The following EYS variants were observed in gnomAD, a reference collection of about 807,000 sequenced individuals.
EYS encodes protein eyes shut homolog.
In EYS, 250 loss-of-function variants were observed where a neutral mutation model predicts 282.1. The observed-to-expected ratio is 0.89, with a 90% CI of 0.80 to 0.98. The LOEUF is 0.98. EYS is among the 50% of genes least tolerant of loss of function. The probability of loss-of-function intolerance (pLI) is 0.00; values close to 1 mark genes in which losing one functional copy is unlikely to be tolerated. For missense variants in EYS, 4,016 were observed against 3,709.0 expected (o/e 1.08, Z -2.15); for synonymous variants, 1,355 against 1,282.9 (o/e 1.06, Z -1.20).
intron 29 of EYS, among the ~76,000 whole-genome samples, chr6:64,385,322 C>G (rs1772873830): frequency 6.6e-6 from 1 of 152,152 alleles, no homozygotes; most frequent in African/African-American, 2.4e-5. Context: ...TTCTAGCACA[C>G]ACACATACAC....
At chr6:64,024,791 A>G (rs1582153897) in intron 33 of EYS, among the ~76,000 whole-genome samples, 1 of 152,194 alleles carries the variant, frequency 6.6e-6, no homozygotes, top group Admixed American at 6.5e-5. Flanking sequence ...CGAGATCACG[A>G]ACCCACCAGA....
chr6:65,581,339 A>G (rs1014459195), intron 2 of EYS, among the ~76,000 whole-genome samples: 5 of 152,172 alleles, frequency 3.3e-5, no homozygotes, highest in Admixed American at 1.3e-4. Context: ...CTTATTGTAC[A>G]GCAAACGTTT....
chr6:65,575,887 T>C (rs1032130261), intron 2 of EYS, among the ~76,000 whole-genome samples: 3 of 151,992 alleles, frequency 2.0e-5, no homozygotes, highest in African/African-American at 4.8e-5. Flanking sequence ...CAACACTATT[T>C]TGTGAGGAAA....
chr6:64,384,122 A>AT (rs1772835297), intron 29 of EYS, among the ~76,000 whole-genome samples: 1 of 152,182 alleles, frequency 6.6e-6, no homozygotes, highest in South Asian at 2.1e-4. Context: ...AAGGATTTTG[A>AT]TGGCTAATGA....
intron 30 of EYS, among the ~76,000 whole-genome samples, chr6:64,236,257 G>C (rs571348689): frequency 6.6e-6 from 1 of 152,280 alleles, no homozygotes; most frequent in South Asian, 2.1e-4. Flanking sequence ...ACGGGCGTGA[G>C]CAACCGTACC....
At chr6:64,686,113 A>T (rs560229364) in intron 22 of EYS, among the ~76,000 whole-genome samples, 1 of 150,362 alleles carries the variant, frequency 6.7e-6, no homozygotes, top group Non-Finnish European at 1.5e-5. Flanking sequence ...TTAAAAAAAA[A>T]CAGGAAACTG....
At chr6:63,781,543 CTCTGTTTG>C (rs1305188340) in intron 39 of EYS, among the ~76,000 whole-genome samples, 1 of 151,838 alleles carries the variant, frequency 6.6e-6, no homozygotes, top group African/African-American at 2.4e-5. Context: ...TGATTTGGCT[CTCTGTTTG>C]TCTGTTATTG....
chr6:65,295,686 A>G (rs1199570443), intron 12 of EYS, 177 bp downstream of exon 12: 1 of 620,546 alleles, frequency 1.6e-6, no homozygotes, highest in Non-Finnish European at 2.7e-6. Flanking sequence ...AAATTGCCCA[A>G]AGAAGCAATC....
chr6:64,917,012 A>G (rs1190100785), intron 15 of EYS, among the ~76,000 whole-genome samples: 1 of 152,228 alleles, frequency 6.6e-6, no homozygotes, highest in Non-Finnish European at 1.5e-5. Context: ...GCACTTTGGG[A>G]GTCCGAGGCG....
Position 65,405,225 on chromosome 6 carries a change from C to T in EYS, c.1005G>A (p.Glu335=). ...SSQNGETDVS[E]FSLVPCQNGT... is the part of the protein sequence containing the mutation. ...CATTCTGACATGGTACTAATGAAAACTCACTGACATCAGTTTCACCATTTT... is the reference window on the plus strand; with the variant it reads ...CATTCTGACATGGTACTAATGAAAATTCACTGACATCAGTTTCACCATTTT... Residue 335 remains glutamate, a synonymous_variant, in exon 6 of 43, where the codon GAG becomes GAA. Coordinates refer to ENST00000503581, the MANE Select transcript of EYS (RefSeq NM_001142800.2). 1 of 1,613,120 alleles carries T rather than the reference C, an allele frequency of 6.2e-7. No homozygotes were observed. The highest frequency in any genetic ancestry group is 1.3e-5 in the African/African-American group (1 of 74,940).
rs533592316 is a variant in EYS at position 64,218,610 on chromosome 6, C to T, written c.6424+11982G>A. On this transcript the variant is annotated intron_variant, in intron 31 of 42. Coordinates refer to ENST00000503581, the MANE Select transcript of EYS (RefSeq NM_001142800.2). ...CAAATCAGAATGGAGCTCAGCTCTT[C>T]GCCTACTGTCAGTAGTTACTGAATA... 2.0e-5 allele frequency among the ~76,000 whole-genome samples: 3 copies of T among 152,318 alleles called. No homozygotes were observed. The South Asian group carries it at 6.2e-4, about 32-fold the overall frequency.
intron 26 of EYS, among the ~76,000 whole-genome samples, chr6:64,557,842 C>A (rs1582892234): frequency 1.3e-5 from 2 of 151,914 alleles, no homozygotes; most frequent in East Asian, 3.9e-4. Context: ...TTTGTATTGT[C>A]CATGGCTGCT....
intron 12 of EYS, among the ~76,000 whole-genome samples, chr6:65,194,946 T>C (rs1027347593): frequency 1.3e-5 from 2 of 151,770 alleles, no homozygotes; most frequent in Non-Finnish European, 2.9e-5. Context: ...ATATAGTCTA[T>C]GGGTTTCTAT....
intron 30 of EYS, among the ~76,000 whole-genome samples, chr6:64,239,598 T>C (rs1188437056): frequency 2.4e-5 from 3 of 127,628 alleles, no homozygotes; most frequent in African/African-American, 6.3e-5. Context: ...TTTGATGGGG[T>C]TGTTTTTTTT....
At chr6:65,420,659 A>G (rs764217556) in intron 5 of EYS, among the ~76,000 whole-genome samples, 4 of 151,954 alleles carry the variant, frequency 2.6e-5, no homozygotes, top group Non-Finnish European at 2.9e-5. Context: ...GCTTAGATCC[A>G]TCAGAGGAAT....
intron 29 of EYS, among the ~76,000 whole-genome samples, chr6:64,345,750 C>T (rs1771360272): frequency 6.6e-6 from 1 of 152,092 alleles, no homozygotes; most frequent in Non-Finnish European, 1.5e-5. Context: ...AAACTACCAT[C>T]AGAGTGAACA....
intron 31 of EYS, among the ~76,000 whole-genome samples, chr6:64,085,319 C>T (rs1040257411): frequency 1.3e-4 from 18 of 135,192 alleles, no homozygotes; most frequent in African/African-American, 3.4e-4. Context: ...TCCAGACGCG[C>T]GCGCGTGCGC....
chr6:63,998,807 T>A (rs76633698), intron 34 of EYS, among the ~76,000 whole-genome samples: 47,013 of 150,146 alleles, frequency 0.31, 7,795 homozygotes, highest in South Asian at 0.42. Flanking sequence ...TTTTTTTTTT[T>A]AAAGTCAAGC....
intron 21 of EYS, among the ~76,000 whole-genome samples, chr6:64,818,707 G>T (rs770213873): frequency 6.6e-6 from 1 of 152,146 alleles, no homozygotes; most frequent in Non-Finnish European, 1.5e-5. Flanking sequence ...GGAAGACTCA[G>T]CCAGTCTAGT....
Sources: allele counts gnomAD v4.1 joint callset (sites outside exome capture counted in the v4.1 genomes callset), GRCh38; gene constraint gnomAD v4.1.1; transcripts MANE v1.5; gene names NCBI Gene and HGNC (gene_info 2026-07-23, HGNC 2026-07-21).